Variants in CX3CL1 observed in about 807,000 individuals in gnomAD.
The protein encoded by CX3CL1 is C-X3-C motif chemokine ligand 1.
A neutral mutation model predicts 14.1 loss-of-function variants in CX3CL1; 1 was observed. The ratio of observed to expected loss-of-function variants is 0.07; its 90% confidence interval spans 0.03 to 0.34. The LOEUF (loss-of-function observed/expected upper bound fraction) is 0.34, where lower values mean the gene tolerates loss of function less well. Ranked by LOEUF, CX3CL1 falls within the 10% of genes least tolerant of loss-of-function variation. The probability of loss-of-function intolerance (pLI) is 0.99; values close to 1 mark genes in which losing one functional copy is unlikely to be tolerated. For missense variants in CX3CL1, 505 were observed against 536.4 expected (o/e 0.94, Z 0.58); for synonymous variants, 255 against 229.6 (o/e 1.11, Z -1.00).
chr16:57,374,149 C>T (rs74019508), intron 1 of CX3CL1, among the ~76,000 whole-genome samples: 149 of 152,238 alleles, frequency 9.8e-4, no homozygotes, highest in Middle Eastern at 3.4e-3. Context: ...ACCAGGCTCA[C>T]CTTGGAAGTC....
Position 57,383,150 on chromosome 16 carries a change from G to T in CX3CL1, c.*118G>T. 2.2e-6 allele frequency: 2 copies of T among 928,440 alleles called. No individual in the cohort carries two copies. The highest frequency in any genetic ancestry group is 4.2e-5 in the South Asian group (1 of 23,994). The allele number at this position is 928,440 out of a possible 1,614,324, so 57.5% of individuals were successfully genotyped here. A position where few individuals can be genotyped will look rare whatever the true frequency, so the allele number is the denominator to read the frequency against. ...CTGGGATGATTGGAGGGGGGAGGTGGGATCCTCCAGGTGCACAAGCTCCAA... is the reference window on the plus strand; with the variant it reads ...CTGGGATGATTGGAGGGGGGAGGTGTGATCCTCCAGGTGCACAAGCTCCAA... On this transcript the variant is annotated 3_prime_UTR_variant, in exon 3 of 3. Transcript: ENST00000006053.
chr16:57,375,747 G>A (rs1902237079), intron 1 of CX3CL1, among the ~76,000 whole-genome samples: 1 of 152,122 alleles, frequency 6.6e-6, no homozygotes, highest in Non-Finnish European at 1.5e-5. Context: ...TAAGACCCTG[G>A]AAGACTCTTA....
At position 57,382,291 on chromosome 16, in the gene CX3CL1, G is replaced by A; in HGVS notation, c.453G>A (p.Leu151=). 4 of 1,607,074 alleles carry A rather than the reference G, an allele frequency of 2.5e-6. No individual in the cohort carries two copies. The highest frequency in any genetic ancestry group is 3.4e-6 in the Non-Finnish European group (4 of 1,176,342). ...CTTCCCAGGAAGCACAGAGGGCCCTGGGGACCTCCCCAGAGCTGCCGACGG... is the reference window on the plus strand; with the variant it reads ...CTTCCCAGGAAGCACAGAGGGCCCTAGGGACCTCCCCAGAGCTGCCGACGG... ...TPSSQEAQRA[L]GTSPELPTGV... The change falls in exon 3 of 3, where the codon CTG becomes CTA. Residue 151 remains leucine (L), a synonymous_variant. Transcript: ENST00000006053. The surrounding 1 kb of genome is among the most constrained non-coding windows in gnomAD (Gnocchi z 6.9).
At chr16:57,381,898 C>A in intron 2 of CX3CL1, 132 bp from the exon 3 acceptor site, 1 of 972,002 alleles carries the variant, frequency 1.0e-6, no homozygotes, top group Non-Finnish European at 1.5e-6. Context: ...GCCTCACAGA[C>A]GCTAAGTGGG....
intron 1 of CX3CL1, chr16:57,379,262 G>A (rs758635605): frequency 4.6e-5 from 12 of 261,760 alleles, no homozygotes; most frequent in Non-Finnish European, 7.1e-5. Flanking sequence ...GGAGGCCGAG[G>A]TTGCGGTGAG....
intron 1 of CX3CL1, chr16:57,376,858 C>T (rs1188306054): frequency 6.6e-6 from 1 of 152,084 alleles, no homozygotes; most frequent in East Asian, 1.9e-4. Flanking sequence ...AACTATGATA[C>T]CAAGACAGAC....
intron 1 of CX3CL1, 77 bp from the exon 2 acceptor site, chr16:57,379,557 C>G: frequency 6.3e-7 from 1 of 1,590,748 alleles, no homozygotes; most frequent in Non-Finnish European, 8.6e-7. Flanking sequence ...GTGGTGTGGC[C>G]GGGACAATCT....
rs751932108 is a variant in CX3CL1 at position 57,379,535 on chromosome 16, G to C, written c.71-99G>C. On this transcript the variant is annotated intron_variant, in intron 1 of 2. Coordinates refer to ENST00000006053, the MANE Select transcript of CX3CL1 (RefSeq NM_002996.6). ...GAAGGCCAGGGTGTACAGGGGATCA[G>C]TTTTGGCTTGGGTGGTGTGGCCGGG... 2.2e-5 allele frequency: 33 copies of C among 1,511,036 alleles called. No individual in the cohort carries two copies. In the East Asian group the frequency reaches 5.3e-4, roughly 24 times the overall value. 93.6% of individuals were successfully genotyped at this position (1,511,036 alleles called of 1,614,324 possible).
chr16:57,380,657 C>T (rs1555510228), intron 2 of CX3CL1, among the ~76,000 whole-genome samples: 1 of 151,822 alleles, frequency 6.6e-6, no homozygotes, highest in African/African-American at 2.4e-5. Context: ...AGACAGGAAA[C>T]GACCATTTCG....
At chr16:57,377,590 A>C (rs2146511031) in intron 1 of CX3CL1, 1 of 152,366 alleles carries the variant, frequency 6.6e-6, no homozygotes, top group African/African-American at 2.4e-5. Flanking sequence ...CTGTGTGTGC[A>C]AGCGTGCATG....
intron 2 of CX3CL1, among the ~76,000 whole-genome samples, chr16:57,380,403 C>T (rs1319074364): frequency 6.6e-6 from 1 of 152,004 alleles, no homozygotes; most frequent in Non-Finnish European, 1.5e-5. Flanking sequence ...ACTAAAAATA[C>T]AAAAACTAGC....
At chr16:57,374,169 G>A (rs771260414) in intron 1 of CX3CL1, among the ~76,000 whole-genome samples, 14 of 152,192 alleles carry the variant, frequency 9.2e-5, no homozygotes, top group East Asian at 1.9e-4. Context: ...CCTCTCCCAC[G>A]CTGACATGTA....
intron 1 of CX3CL1, 148 bp from the exon 2 acceptor site, chr16:57,379,486 G>T (rs1354525548): frequency 1.1e-5 from 9 of 836,786 alleles, no homozygotes; most frequent in Non-Finnish European, 1.5e-5. Flanking sequence ...TTTGGCAGGG[G>T]AGGGAGGCTG....
At position 57,382,238 on chromosome 16, in the gene CX3CL1, G is replaced by A. The variant is rs558560542; in HGVS notation, c.400G>A (p.Glu134Lys). Residue 134 changes from glutamate to lysine, a missense_variant, in exon 3 of 3, where the codon GAA (glutamate) becomes AAA (lysine). By Grantham distance (56) the Glu-to-Lys change is moderately conservative. Coordinates refer to ENST00000006053, the MANE Select transcript of CX3CL1 (RefSeq NM_002996.6). This position sits in a 1 kb window ranked among gnomAD's most constrained non-coding sequence, Gnocchi z 6.9. ...GGTCCTGGAGCCCGAAGCCACAGGCGAAAGCAGTAGCCTGGAGCCGACTCC... is the reference window on the plus strand; with the variant it reads ...GGTCCTGGAGCCCGAAGCCACAGGCAAAAGCAGTAGCCTGGAGCCGACTCC... ...SVVLEPEATG[E>K]SSSLEPTPSS... 13 of 1,611,950 alleles carry A rather than the reference G, an allele frequency of 8.1e-6. No individual in the cohort carries two copies. The highest frequency in any genetic ancestry group is 4.5e-5 in the East Asian group (2 of 44,822).
chr16:57,374,208 G>A (rs190333634), intron 1 of CX3CL1, among the ~76,000 whole-genome samples: 39 of 152,218 alleles, frequency 2.6e-4, no homozygotes, highest in African/African-American at 9.4e-4. Context: ...GGGAGCCCCT[G>A]TAGGACAAGG....
chr16:57,380,007 G>A (rs1902297648), intron 2 of CX3CL1, among the ~76,000 whole-genome samples: 1 of 152,180 alleles, frequency 6.6e-6, no homozygotes, highest in South Asian at 2.1e-4. Context: ...CTTGTGGCCT[G>A]GAGCAGCCAT....
In CX3CL1 at chr16:57,383,873, A is replaced by G. The variant is rs1334452432; in HGVS notation, c.*841A>G. 6.6e-6 allele frequency: 1 copy of G among 152,342 alleles called. No homozygotes were observed. The highest frequency in any genetic ancestry group is 1.5e-5 in the Non-Finnish European group (1 of 68,148). The allele number at this position is 152,342 out of a possible 1,614,324, so 9.4% of individuals were successfully genotyped here. On this transcript the variant is annotated 3_prime_UTR_variant, in exon 3 of 3. Coordinates refer to ENST00000006053, the MANE Select transcript of CX3CL1 (RefSeq NM_002996.6). ...AGAGCACCTTAGACAGTCCCTGCCA[A>G]TGGACTAACTTGTCTTTGGACCCTG... is the stretch of plus-strand genomic sequence containing the variant.
chr16:57,372,632 C>A lies in CX3CL1; in HGVS notation c.64C>A (p.Leu22Met), dbSNP rs761734507. ...LATFCHLTVL[L>M]AGQHHGVTKC... ...CACCTTCTGCCATCTGACTGTCCTG[C>A]TGGCTGGTAAGTGGGGCTTGACTTG... The change falls in exon 1 of 3, where the codon CTG (leucine) becomes ATG (methionine). Residue 22 changes from leucine (L) to methionine (M), a missense_variant. By Grantham distance (15) the Leu-to-Met change is conservative (BLOSUM62 2). Coordinates refer to ENST00000006053, the MANE Select transcript of CX3CL1 (RefSeq NM_002996.6). The A allele has an allele frequency of 5.6e-6, 9 of 1,613,560 alleles. No homozygotes were observed. Among genetic ancestry groups the A allele is most frequent in the Non-Finnish European group, 7.6e-6 (9 of 1,179,954 alleles).
At chr16:57,381,794 G>A (rs920086074) in intron 2 of CX3CL1, among the ~76,000 whole-genome samples, 1 of 152,024 alleles carries the variant, frequency 6.6e-6, no homozygotes, top group South Asian at 2.1e-4. Context: ...TTCTGGGATG[G>A]CTGGTCACCC....
Sources: allele counts gnomAD v4.1 joint callset (sites outside exome capture counted in the v4.1 genomes callset), GRCh38; gene constraint gnomAD v4.1.1; non-coding constraint Gnocchi (gnomAD v3.1); transcripts MANE v1.5; gene names NCBI Gene and HGNC (gene_info 2026-07-23, HGNC 2026-07-21).